CDC14B: variants seen among roughly 807,000 people sequenced by gnomAD.
The protein encoded by CDC14B is dual specificity protein phosphatase CDC14B.
A neutral mutation model predicts 64.2 loss-of-function variants in CDC14B; 22 were observed. The observed-to-expected ratio is 0.34, with a 90% CI of 0.24 to 0.49. The LOEUF is 0.49. Ranked by LOEUF, CDC14B falls within the 20% of genes least tolerant of loss-of-function variation. The probability of loss-of-function intolerance (pLI) is 0.99; values close to 1 mark genes in which losing one functional copy is unlikely to be tolerated. For synonymous variants in CDC14B, 191 were observed against 215.8 expected (o/e 0.89, Z 1.01); for missense variants, 498 against 629.9 (o/e 0.79, Z 2.24).
intron 1 of CDC14B, among the ~76,000 whole-genome samples, chr9:96,604,722 G>A (rs1178734145): frequency 1.3e-5 from 2 of 151,314 alleles, no homozygotes; most frequent in Non-Finnish European, 2.9e-5. Flanking sequence ...AGGCTGGAGT[G>A]TAGTGGCACG....
intron 6 of CDC14B, among the ~76,000 whole-genome samples, chr9:96,541,259 G>C (rs957805601): frequency 6.6e-6 from 1 of 152,254 alleles, no homozygotes; most frequent in Non-Finnish European, 1.5e-5. Flanking sequence ...CAACACAGCA[G>C]CCCTGGTTAT....
At chr9:96,613,172 T>C (rs1425272337) in intron 1 of CDC14B, among the ~76,000 whole-genome samples, 1 of 152,212 alleles carries the variant, frequency 6.6e-6, no homozygotes, top group Non-Finnish European at 1.5e-5. Context: ...CACAGGGGAA[T>C]GTGGAGGGTT....
intron 9 of CDC14B, among the ~76,000 whole-genome samples, chr9:96,533,382 A>G (rs1838789778): frequency 6.6e-6 from 1 of 152,262 alleles, no homozygotes; most frequent in African/African-American, 2.4e-5. Context: ...AAAACTACAA[A>G]TACAGCAGTA....
At chr9:96,615,546 T>C (rs1847571645) in intron 1 of CDC14B, among the ~76,000 whole-genome samples, 1 of 152,184 alleles carries the variant, frequency 6.6e-6, no homozygotes, top group Admixed American at 6.5e-5. Flanking sequence ...GAAGTGACAA[T>C]ATGCATTAAT....
intron 1 of CDC14B, among the ~76,000 whole-genome samples, chr9:96,606,577 G>GTGTGTT (rs934475792): frequency 1.4e-5 from 2 of 138,926 alleles, no homozygotes; most frequent in Non-Finnish European, 3.1e-5. Context: ...GTGTGTGTGT[G>GTGTGTT]TTTCTGGAGA....
chr9:96,551,956 T>C, intron 4 of CDC14B, 84 bp from the exon 5 acceptor site: 3 of 1,508,800 alleles, frequency 2.0e-6, no homozygotes, highest in Non-Finnish European at 2.7e-6. Flanking sequence ...TTTGTCCAAT[T>C]TCCAACCAAC....
chr9:96,517,284 G>A (rs1835829837), intron 12 of CDC14B, among the ~76,000 whole-genome samples: 1 of 151,604 alleles, frequency 6.6e-6, no homozygotes, highest in Non-Finnish European at 1.5e-5. Flanking sequence ...GGAGGTTGCA[G>A]TGAGCCGAGA....
At chr9:96,552,856 T>A (rs1156761561) in intron 4 of CDC14B, among the ~76,000 whole-genome samples, 2 of 152,158 alleles carry the variant, frequency 1.3e-5, no homozygotes, top group Non-Finnish European at 2.9e-5. Context: ...CTGGCACATA[T>A]ATTATCACTA....
chr9:96,542,681 G>C (rs1840235276), intron 5 of CDC14B, among the ~76,000 whole-genome samples: 1 of 150,510 alleles, frequency 6.6e-6, no homozygotes, highest in Non-Finnish European at 1.5e-5. Context: ...TTAAGGTAGA[G>C]ATGGAGTCTC....
chr9:96,567,920 CA>C (rs1258137041), intron 1 of CDC14B, among the ~76,000 whole-genome samples: 1 of 152,148 alleles, frequency 6.6e-6, no homozygotes, highest in African/African-American at 2.4e-5. Context: ...CAAAACATCT[CA>C]CGTACCCCAT....
chr9:96,602,206 T>G (rs1846526406), intron 1 of CDC14B, among the ~76,000 whole-genome samples: 1 of 152,186 alleles, frequency 6.6e-6, no homozygotes, highest in Non-Finnish European at 1.5e-5. Context: ...GGCATCTAAA[T>G]GTTAATTCCA....
chr9:96,500,557 G>C lies in CDC14B; in HGVS notation c.*3196C>G, dbSNP rs1411966521. On this transcript the variant is annotated 3_prime_UTR_variant, in exon 14 of 14. Coordinates refer to ENST00000375241, the MANE Select transcript of CDC14B (RefSeq NM_033331.4). ...CTACACAGTATAGGTGAATTGTCCA[G>C]TCTTTAAACACATCTGGAGTCATCT... 1.3e-5 allele frequency: 2 copies of C among 152,630 alleles called. No homozygotes were observed. Among genetic ancestry groups the C allele is most frequent in the East Asian group, 1.9e-4 (1 of 5,192 alleles). 9.5% of individuals were successfully genotyped at this position (152,630 alleles called of 1,614,324 possible).
intron 8 of CDC14B, 111 bp from the exon 9 acceptor site, chr9:96,534,268 T>C (rs1295251286): frequency 1.1e-5 from 9 of 801,006 alleles, no homozygotes; most frequent in Non-Finnish European, 1.6e-5. Context: ...TAAATACCAA[T>C]TTGATTATAA....
chr9:96,592,020 C>T (rs960872792), intron 1 of CDC14B, among the ~76,000 whole-genome samples: 1 of 152,208 alleles, frequency 6.6e-6, no homozygotes, highest in African/African-American at 2.4e-5. Flanking sequence ...GCTGGGATTA[C>T]AGGCATGAGC....
chr9:96,503,918 C>T, intron 13 of CDC14B, 129 bp from the exon 14 acceptor site: 1 of 681,524 alleles, frequency 1.5e-6, no homozygotes, highest in Non-Finnish European at 2.5e-6. Flanking sequence ...CTGTAAGTTT[C>T]TAATGACAAA....
intron 4 of CDC14B, among the ~76,000 whole-genome samples, chr9:96,559,478 T>A (rs1297936017): frequency 2.0e-5 from 3 of 152,196 alleles, no homozygotes; most frequent in Non-Finnish European, 4.4e-5. Flanking sequence ...CTAGCACTCA[T>A]CTCCACAAAT....
Position 96,575,636 on chromosome 9 carries a change from G to A in CDC14B, c.161-10153C>T, listed in dbSNP as rs547457140. 3.3e-5 allele frequency among the ~76,000 whole-genome samples: 5 copies of A among 152,168 alleles called. No individual in the cohort carries two copies. The East Asian group carries it at 9.7e-4, about 29-fold the overall frequency. Reference sequence around the variant, plus strand: ...ATGGTGGGAATAAGTCCAAACATATGAGTTATAATTTTAAAATGCAAAAAA... The same window carrying A: ...ATGGTGGGAATAAGTCCAAACATATAAGTTATAATTTTAAAATGCAAAAAA... On this transcript the variant is annotated intron_variant, in intron 1 of 13. Coordinates refer to ENST00000375241, the MANE Select transcript of CDC14B (RefSeq NM_033331.4).
chr9:96,575,113 C>A (rs1043607811), intron 1 of CDC14B, among the ~76,000 whole-genome samples: 17 of 152,172 alleles, frequency 1.1e-4, no homozygotes, highest in African/African-American at 4.1e-4. Flanking sequence ...TGCTACATGT[C>A]CTCCGGAGAT....
chr9:96,515,290 C>T lies in CDC14B; in HGVS notation c.1344-5501G>A, dbSNP rs144641876. Among the ~76,000 whole-genome samples, 12 of 152,208 alleles carry T rather than the reference C, an allele frequency of 7.9e-5. No individual in the cohort carries two copies. The highest frequency in any genetic ancestry group is 1.4e-4 in the African/African-American group (6 of 41,554). ...AGAGGGAAATTGTATAGCCAACTGA[C>T]GAAAATAAAACCACCCCAATTATCC... On this transcript the variant is annotated intron_variant, in intron 12 of 13. Coordinates refer to ENST00000375241, the MANE Select transcript of CDC14B (RefSeq NM_033331.4). The surrounding 1 kb of genome is among the most constrained non-coding windows in gnomAD (Gnocchi z 4.3).
Sources: allele counts gnomAD v4.1 joint callset (sites outside exome capture counted in the v4.1 genomes callset), GRCh38; gene constraint gnomAD v4.1.1; non-coding constraint Gnocchi (gnomAD v3.1); transcripts MANE v1.5; gene names NCBI Gene and HGNC (gene_info 2026-07-23, HGNC 2026-07-21).